NBAS: variants seen among roughly 807,000 people sequenced by gnomAD.
The protein encoded by NBAS is NBAS subunit of NRZ tethering complex.
In NBAS, 219 loss-of-function variants were observed where a neutral mutation model predicts 302.5. The ratio of observed to expected loss-of-function variants is 0.72; its 90% CI spans 0.65 to 0.81. The LOEUF is 0.81. NBAS is among the 30% of genes least tolerant of loss of function. The pLI is 0.00. For synonymous variants in NBAS, 1,118 were observed against 1,021.6 expected, an observed-to-expected ratio of 1.09 and a Z score of -1.80; for missense variants, 2,932 against 2,841.6, an observed-to-expected ratio of 1.03 and a Z score of -0.72.
chr2:14,978,482 T>C, the NBAS span, among the ~76,000 whole-genome samples: 1 of 152,184 alleles, frequency 6.6e-6, no homozygotes, highest in Non-Finnish European at 1.5e-5. Flanking sequence ...TATGAACATA[T>C]TAGAACTATA....
chr2:15,438,241 C>A (rs1396972451), intron 21 of NBAS, among the ~76,000 whole-genome samples: 1 of 152,112 alleles, frequency 6.6e-6, no homozygotes, highest in African/African-American at 2.4e-5. Context: ...AGACATTAAC[C>A]TTATAGTACA....
At chr2:15,200,796 C>T (rs997978148) in intron 48 of NBAS, among the ~76,000 whole-genome samples, 1 of 152,138 alleles carries the variant, frequency 6.6e-6, no homozygotes, top group Non-Finnish European at 1.5e-5. Context: ...AAAAAGTGAA[C>T]TAAGTCACCT....
At chr2:14,993,865 ATATC>A in the NBAS span, among the ~76,000 whole-genome samples, 2 of 152,234 alleles carry the variant, frequency 1.3e-5, no homozygotes, top group Non-Finnish European at 2.9e-5. Flanking sequence ...AAACCAATAA[ATATC>A]TATTGAACAC....
chr2:14,992,269 G>C, the NBAS span, among the ~76,000 whole-genome samples: 1 of 152,154 alleles, frequency 6.6e-6, no homozygotes, highest in African/African-American at 2.4e-5. Flanking sequence ...ACTCTTAATT[G>C]TAGCTAAAGG....
Position 15,234,610 on chromosome 2 carries a change from G to A in NBAS, c.6081C>T (p.Gly2027=). ...TATCCTTGGGTGAGATGTCAAGAGG[G>A]CCAACTGCCACCTCTAGCAGCTGCT... ...MIQQLLEVAV[G]PLDISPKDIV... The change falls in exon 46 of 52, where the codon GGC becomes GGT. Residue 2027 remains glycine (G), a synonymous_variant. Coordinates refer to ENST00000281513, the MANE Select transcript of NBAS (RefSeq NM_015909.4). The A allele has an allele frequency of 6.2e-7, 1 of 1,614,136 alleles. No homozygotes were observed. The highest frequency in any genetic ancestry group is 8.5e-7 in the Non-Finnish European group (1 of 1,180,006).
At chr2:15,090,141 C>A in the NBAS span, among the ~76,000 whole-genome samples, 1 of 152,182 alleles carries the variant, frequency 6.6e-6, no homozygotes, top group Non-Finnish European at 1.5e-5. Context: ...CAAGTCCCTG[C>A]CCCTACTATG....
At chr2:15,085,539 C>G in the NBAS span, among the ~76,000 whole-genome samples, 2 of 152,166 alleles carry the variant, frequency 1.3e-5, no homozygotes, top group Non-Finnish European at 2.9e-5. Flanking sequence ...CCTGGAGCCC[C>G]TGCTCCAGGC....
the NBAS span, among the ~76,000 whole-genome samples, chr2:15,004,295 C>T: frequency 6.6e-6 from 1 of 152,148 alleles, no homozygotes; most frequent in Non-Finnish European, 1.5e-5. Context: ...TCTATGCAAA[C>T]AATTTACAGT....
At chr2:15,501,919 C>T (rs992031237) in intron 11 of NBAS, among the ~76,000 whole-genome samples, 5 of 152,030 alleles carry the variant, frequency 3.3e-5, no homozygotes, top group South Asian at 2.1e-4. Flanking sequence ...TAAGCCACCA[C>T]GCCAGGCTAA....
chr2:15,089,567 G>A, the NBAS span, among the ~76,000 whole-genome samples: 1 of 152,082 alleles, frequency 6.6e-6, no homozygotes, highest in African/African-American at 2.4e-5. Context: ...AAACAGGGGT[G>A]GAGGCGGGGA....
At chr2:15,050,081 G>T in the NBAS span, among the ~76,000 whole-genome samples, 1,201 of 152,216 alleles carry the variant, frequency 7.9e-3, 19 homozygotes, top group African/African-American at 0.027. Flanking sequence ...AACCTCAGTT[G>T]TGTCACCTGT....
intron 47 of NBAS, among the ~76,000 whole-genome samples, chr2:15,227,481 C>G (rs1667194010): frequency 6.6e-6 from 1 of 151,642 alleles, no homozygotes; most frequent in African/African-American, 2.4e-5. Flanking sequence ...GCACTCTACA[C>G]AGAAACAGAA....
chr2:14,858,015 G>C, the NBAS span, among the ~76,000 whole-genome samples: 1 of 152,100 alleles, frequency 6.6e-6, no homozygotes, highest in African/African-American at 2.4e-5. Flanking sequence ...GTGGGCAAGA[G>C]ACTTTAATGG....
At chr2:15,468,317 T>C (rs1348350327) in intron 17 of NBAS, 65 bp downstream of exon 17, 9 of 1,574,112 alleles carry the variant, frequency 5.7e-6, no homozygotes, top group South Asian at 2.2e-5. Context: ...CCCAGTCCAA[T>C]GTCTCAGTAC....
At chr2:15,033,163 A>T in the NBAS span, among the ~76,000 whole-genome samples, 8 of 152,336 alleles carry the variant, frequency 5.3e-5, 1 homozygote, top group Admixed American at 2.0e-4. Context: ...TATTCTGAAG[A>T]TGTAAGGTTT....
the NBAS span, among the ~76,000 whole-genome samples, chr2:15,017,108 C>T: frequency 7.4e-3 from 1,127 of 152,024 alleles, 12 homozygotes; most frequent in African/African-American, 0.025. Flanking sequence ...ACCAAATATC[C>T]CCTAGGTAGA....
chr2:15,055,507 C>T, the NBAS span, among the ~76,000 whole-genome samples: 3 of 151,442 alleles, frequency 2.0e-5, no homozygotes, highest in African/African-American at 4.9e-5. Flanking sequence ...AGCTGGGGGG[C>T]GGGGGGCTGG....
At chr2:15,406,675 A>G (rs1342626774) in intron 25 of NBAS, among the ~76,000 whole-genome samples, 1 of 152,196 alleles carries the variant, frequency 6.6e-6, no homozygotes, top group Non-Finnish European at 1.5e-5. Context: ...AGTTACACGA[A>G]TATGTAAGAA....
chr2:15,458,477 T>A (rs571473127), intron 21 of NBAS, among the ~76,000 whole-genome samples: 1 of 152,246 alleles, frequency 6.6e-6, no homozygotes, highest in South Asian at 2.1e-4. Flanking sequence ...CTCACTCAGT[T>A]AGTTCCAGTT....
Sources: gnomAD v4.1 joint callset for allele counts (sites outside exome capture counted in the v4.1 genomes callset) on GRCh38, gnomAD v4.1.1 for gene constraint, MANE v1.5 for transcripts, NCBI Gene and HGNC (gene_info 2026-07-23, HGNC 2026-07-21) for gene names.